VSIG10L: variants seen among roughly 807,000 people sequenced by gnomAD.
VSIG10L encodes the protein V-set and immunoglobulin domain containing 10 like.
Under a neutral mutation model 67.3 loss-of-function variants are expected in VSIG10L, and 63 were observed. The observed-to-expected ratio is 0.94, with a 90% CI of 0.76 to 1.15. The LOEUF (loss-of-function observed/expected upper bound fraction) is 1.15, where lower values mean the gene tolerates loss of function less well. Ranked by LOEUF, VSIG10L falls within the 50% of genes most tolerant of loss-of-function variation. The pLI is 0.00. For missense variants in VSIG10L, 1,050 were observed against 1,177.5 expected, an observed-to-expected ratio of 0.89 and a Z score of 1.58; for synonymous variants, 499 against 524.9, an observed-to-expected ratio of 0.95 and a Z score of 0.67.
Position 51,337,426 on chromosome 19 carries a change from G to A in VSIG10L, c.2117C>T (p.Pro706Leu), listed in dbSNP as rs780936232. ...AGTCCTGCCCAGAGCAGGCCCATCT[G>A]GCCATGCCTGGATCTCAAAACTGCT... ...LISSFEIQAW[P>L]DGPALGRTST... Residue 706 changes from proline (P) to leucine (L), a missense_variant, in exon 7 of 10, where the codon CCA becomes CTA. Coordinates refer to ENST00000335624, the MANE Select transcript of VSIG10L (RefSeq NM_001163922.3). 4.0e-5 allele frequency: 62 copies of A among 1,551,704 alleles called. No individual in the cohort carries two copies. The South Asian group carries it at 6.8e-4, about 17-fold the overall frequency.
At position 51,340,615 on chromosome 19, in the gene VSIG10L, CA is replaced by C; in HGVS notation, c.1006del (p.Trp336GlyfsTer89). 1.3e-6 allele frequency: 2 copies of C among 1,534,898 alleles called. No individual in the cohort carries two copies. The highest frequency in any genetic ancestry group is 2.4e-5 in the South Asian group (2 of 83,948). Reference sequence around the variant, plus strand: ...CTCCAGGGCGCGTCCGTCCCGGCTCCAGCTCAGCTCCCCGCGACCTGGCCCC... The same window carrying C: ...CTCCAGGGCGCGTCCGTCCCGGCTCCGCTCAGCTCCCCGCGACCTGGCCCC... ...GWGPGRGELSWSRDGRALEAA... is the reference protein window; with the variant it reads ...GWGPGRGELSXSRDGRALEAA... On this transcript the variant is annotated frameshift_variant, in exon 3 of 10. Coordinates refer to ENST00000335624, the MANE Select transcript of VSIG10L (RefSeq NM_001163922.3). LOFTEE classifies it high-confidence loss of function. The surrounding 1 kb of genome is among the most constrained non-coding windows in gnomAD (Gnocchi z 6.3).
In VSIG10L at chr19:51,333,799, C is replaced by A; in HGVS notation, c.2566G>T (p.Ala856Ser). 6.5e-7 allele frequency: 1 copy of A among 1,548,386 alleles called. No individual in the cohort carries two copies. The highest frequency in any genetic ancestry group is 8.7e-7 in the Non-Finnish European group (1 of 1,145,936). ...VPLEDHSSTRAYQAQTPVQLS... is the reference protein window; with the variant it reads ...VPLEDHSSTRSYQAQTPVQLS... The stretch of plus-strand genomic sequence containing the variant: ...AGGGCACCCACACTCACTTGGTAGG[C>A]CCTAGTTGAGCTGTGGTCCTCCAGA... Residue 856 changes from alanine to serine, a missense_variant, in exon 9 of 10, where the codon GCC (alanine) becomes TCC (serine). Physicochemically the swap from Ala to Ser is moderately conservative, Grantham distance 99. Coordinates refer to ENST00000335624, the MANE Select transcript of VSIG10L (RefSeq NM_001163922.3).
chr19:51,337,889 G>A, intron 6 of VSIG10L, 41 bp downstream of exon 6: 1 of 1,504,272 alleles, frequency 6.6e-7, no homozygotes, highest in Admixed American at 2.2e-5. Context: ...GGAGCGGCTG[G>A]GGACGTGGAC....
rs188080705 is a variant in VSIG10L, at chr19:51,338,282, C to G, written c.1730-74G>C. On this transcript the variant is annotated intron_variant, in intron 5 of 9. Coordinates refer to ENST00000335624, the MANE Select transcript of VSIG10L (RefSeq NM_001163922.3). ...TTCAAAGAACAGATCCTATGCCCTACTTTAAATCAGATGGTGGTAAGCCCC... is the reference window on the plus strand; with the variant it reads ...TTCAAAGAACAGATCCTATGCCCTAGTTTAAATCAGATGGTGGTAAGCCCC... 2.3e-4 allele frequency: 326 copies of G among 1,418,138 alleles called. 3 individuals are homozygous for G. The East Asian group carries it at 7.6e-3, about 33-fold the overall frequency. The allele number at this position is 1,418,138 out of a possible 1,614,324, so 87.8% of individuals were successfully genotyped here. A position where few individuals can be genotyped will look rare whatever the true frequency, so the allele number is the denominator to read the frequency against.
In VSIG10L at chr19:51,340,143, G is replaced by C; in HGVS notation, c.1346C>G (p.Ala449Gly). Reference sequence around the variant, plus strand: ...CAGGAGGCGCGACCCCGCGGGCACCGCGGCCTCGGCCGGGTCCGCCAGGCT... The same window carrying C: ...CAGGAGGCGCGACCCCGCGGGCACCCCGGCCTCGGCCGGGTCCGCCAGGCT... ...TWSLADPAEA[A>G]VPAGSRLLLP... is the part of the protein sequence containing the mutation. The change falls in exon 4 of 10, where the codon GCG (alanine) becomes GGG (glycine). Residue 449 changes from alanine to glycine, a missense_variant. Physicochemically the swap from Ala to Gly is moderately conservative, Grantham distance 60 (BLOSUM62 0). Around this residue, in one of 3 missense-constraint regions of VSIG10L, gnomAD observed 529 missense variants for 584.9 expected, o/e 0.90. Transcript: ENST00000335624. The surrounding 1 kb of genome is among the most constrained non-coding windows in gnomAD (Gnocchi z 6.3). The C allele has an allele frequency of 7.6e-7, 1 of 1,319,446 alleles. No individual in the cohort carries two copies. 81.7% of individuals were successfully genotyped at this position (1,319,446 alleles called of 1,614,324 possible). A position where few individuals can be genotyped will look rare whatever the true frequency, so the allele number is the denominator to read the frequency against.
At position 51,340,569 on chromosome 19, in the gene VSIG10L, G is replaced by C. The variant is rs1301727967; in HGVS notation, c.1053C>G (p.Ala351=). The change falls in exon 3 of 10, where the codon GCC becomes GCG. Residue 351 remains alanine, a synonymous_variant. Coordinates refer to ENST00000335624, the MANE Select transcript of VSIG10L (RefSeq NM_001163922.3). The surrounding 1 kb of genome is among the most constrained non-coding windows in gnomAD (Gnocchi z 6.3). ...RALEAAESEG[A]ETPRMRSEGD... is the part of the protein sequence containing the mutation. ...CCTCTGAGCGCATCCGGGGCGTCTC[G>C]GCTCCCTCCGATTCCGCCGCCTCCA... is the stretch of plus-strand genomic sequence containing the variant. The C allele has an allele frequency of 7.8e-6, 12 of 1,535,550 alleles. No individual in the cohort carries two copies. Among genetic ancestry groups the C allele is most frequent in the Non-Finnish European group, 7.9e-6 (9 of 1,146,184 alleles).
In VSIG10L at chr19:51,340,861, A is replaced by G. The variant is rs1985618993; in HGVS notation, c.896-135T>C. ...CCCATCCCTCTCCTCTCATAAACCTATGAGTTTGAGCCCCCAGACACCTCC... is the reference window on the plus strand; with the variant it reads ...CCCATCCCTCTCCTCTCATAAACCTGTGAGTTTGAGCCCCCAGACACCTCC... On this transcript the variant is annotated intron_variant, in intron 2 of 9. Transcript: ENST00000335624. The surrounding 1 kb of genome is among the most constrained non-coding windows in gnomAD (Gnocchi z 6.3). 4 of 1,185,020 alleles carry G rather than the reference A, an allele frequency of 3.4e-6. No homozygotes were observed. The highest frequency in any genetic ancestry group is 1.6e-5 in the African/African-American group (1 of 63,510). 73.4% of individuals were successfully genotyped at this position (1,185,020 alleles called of 1,614,324 possible). A position where few individuals can be genotyped will look rare whatever the true frequency, so the allele number is the denominator to read the frequency against.
At position 51,341,855 on chromosome 19, in the gene VSIG10L, G is replaced by C. The variant is rs1356884514; in HGVS notation, c.193C>G (p.Gln65Glu). Residue 65 changes from glutamine (Q) to glutamate (E), a missense_variant, in exon 2 of 10, where the codon CAG becomes GAG. Around this residue, in one of 3 missense-constraint regions of VSIG10L, gnomAD observed 511 missense variants for 557.9 expected, o/e 0.92. Transcript: ENST00000335624. The part of the protein sequence containing the change: ...IKPPSWKVPD[Q>E]FLDSKASAGI... The stretch of plus-strand genomic sequence containing the variant: ...GCAGAGGCTTTTGAATCCAGGAACT[G>C]ATCTGGAACTTTCCAGCTGGGAGGT... 5 of 1,551,530 alleles carry C rather than the reference G, an allele frequency of 3.2e-6. No individual in the cohort carries two copies. In the African/African-American group the frequency reaches 6.8e-5, roughly 21 times the overall value.
At chr19:51,337,816 G>A (rs1185618153) in intron 6 of VSIG10L, 114 bp downstream of exon 6, 1 of 1,335,378 alleles carries the variant, frequency 7.5e-7, no homozygotes, top group East Asian at 2.5e-5. Flanking sequence ...GAGAGGCTGG[G>A]GGCCTGGATC....
At position 51,338,120 on chromosome 19, in the gene VSIG10L, G is replaced by A. The variant is rs560220952; in HGVS notation, c.1818C>T (p.Pro606=). Residue 606 remains proline (P), a synonymous_variant, in exon 6 of 10, where the codon CCC becomes CCT. Transcript: ENST00000335624. ...AEVALEASGC[P]PPSRASWARE... ...GGGCCCAGGATGCCCGTGAGGGTGG[G>A]GGACAACCAGAGGCCTCCAGTGCCA... is the stretch of plus-strand genomic sequence containing the variant. The A allele has an allele frequency of 6.5e-7, 1 of 1,549,096 alleles. No homozygotes were observed. The highest frequency in any genetic ancestry group is 2.0e-5 in the Admixed American group (1 of 50,686).
In VSIG10L at chr19:51,341,819, C is replaced by CA; in HGVS notation, c.228dup (p.Asp77Ter). On this transcript the variant is annotated frameshift_variant, in exon 2 of 10. Coordinates refer to ENST00000335624, the MANE Select transcript of VSIG10L (RefSeq NM_001163922.3). LOFTEE classifies it high-confidence loss of function. ...AGGGCCTCAGGAAACCAGCTGGAAT[C>CA]AGAGATTCCAGCAGAGGCTTTTGAA... The CA allele has an allele frequency of 1.9e-6, 3 of 1,551,500 alleles. No homozygotes were observed. Among genetic ancestry groups the CA allele is most frequent in the Non-Finnish European group, 2.6e-6 (3 of 1,146,950 alleles).
intron 6 of VSIG10L, 103 bp downstream of exon 6, chr19:51,337,827 C>G (rs533563078): frequency 1.4e-6 from 2 of 1,393,644 alleles, no homozygotes; most frequent in Middle Eastern, 1.9e-4. Flanking sequence ...GGCCTGGATC[C>G]GAGGTCTGAG....
rs868739350 is a variant in VSIG10L, at chr19:51,331,768, C to G, written c.*843G>C. On this transcript the variant is annotated 3_prime_UTR_variant, in exon 10 of 10. Coordinates refer to ENST00000335624, the MANE Select transcript of VSIG10L (RefSeq NM_001163922.3). ...TTAAGTGCTGAGTTAATGATGTGGT[C>G]TCTGCTTTTGTAAAGCCCTTAGTTT... 6.6e-6 allele frequency: 1 copy of G among 152,178 alleles called. No individual in the cohort carries two copies. Among genetic ancestry groups the G allele is most frequent in the Non-Finnish European group, 1.5e-5 (1 of 68,048 alleles). 9.4% of individuals were successfully genotyped at this position (152,178 alleles called of 1,614,324 possible).
At chr19:51,333,765 G>C in intron 9 of VSIG10L, 26 bp downstream of exon 9, 1 of 1,511,986 alleles carries the variant, frequency 6.6e-7, no homozygotes, top group South Asian at 1.3e-5. Flanking sequence ...CCGATTCCAG[G>C]AGGAAATGAG....
chr19:51,335,037 G>A (rs1355916745), intron 7 of VSIG10L, among the ~76,000 whole-genome samples: 3 of 152,210 alleles, frequency 2.0e-5, no homozygotes, highest in Admixed American at 1.3e-4. Flanking sequence ...AGGAAGTAAC[G>A]TTTGAACAGA....
intron 2 of VSIG10L, 107 bp downstream of exon 2, chr19:51,341,046 A>G: frequency 7.2e-7 from 1 of 1,393,296 alleles, no homozygotes; most frequent in South Asian, 1.6e-5. Context: ...TCAACCCAGA[A>G]GTCCTCTTCT....
chr19:51,333,814 G>A lies in VSIG10L; in HGVS notation c.2551C>T (p.His851Tyr), dbSNP rs1985412993. The change falls in exon 9 of 10, where the codon CAC (histidine) becomes TAC (tyrosine). Residue 851 changes from histidine to tyrosine, a missense_variant. Transcript: ENST00000335624. ...ACTTGGTAGGCCCTAGTTGAGCTGT[G>A]GTCCTCCAGAGGGACTTTGAGGTCC... is the stretch of plus-strand genomic sequence containing the variant. ...PLDLKVPLED[H>Y]SSTRAYQAQT... 10 of 1,550,330 alleles carry A rather than the reference G, an allele frequency of 6.5e-6. No homozygotes were observed. Among genetic ancestry groups the A allele is most frequent in the Admixed American group, 2.0e-5 (1 of 50,606 alleles).
Position 51,340,030 on chromosome 19 carries a change from T to C in VSIG10L, c.1459A>G (p.Asn487Asp). 1 of 1,436,960 alleles carries C rather than the reference T, an allele frequency of 7.0e-7. No individual in the cohort carries two copies. Among genetic ancestry groups the C allele is most frequent in the Non-Finnish European group, 9.1e-7 (1 of 1,097,384 alleles). 89.0% of individuals were successfully genotyped at this position (1,436,960 alleles called of 1,614,324 possible). The change falls in exon 4 of 10, where the codon AAC becomes GAC. Residue 487 changes from asparagine to aspartate, a missense_variant. Around this residue, in one of 3 missense-constraint regions of VSIG10L, gnomAD observed 529 missense variants for 584.9 expected, o/e 0.90. Coordinates refer to ENST00000335624, the MANE Select transcript of VSIG10L (RefSeq NM_001163922.3). The surrounding 1 kb of genome is among the most constrained non-coding windows in gnomAD (Gnocchi z 6.3). The part of the protein sequence containing the change: ...RTGRRRRSLL[N>D]LTVADLPPGA... The stretch of plus-strand genomic sequence containing the variant: ...AGCCTCTCACCCGCCACTGTAAGGT[T>C]GAGCAGCGAGCGGCGGCGGCGGCCG...
intron 7 of VSIG10L, among the ~76,000 whole-genome samples, chr19:51,334,813 C>T (rs1236013500): frequency 1.4e-5 from 2 of 142,582 alleles, no homozygotes; most frequent in East Asian, 2.1e-4. Context: ...GCGGTGGCTG[C>T]GCCTGTAGCC....
Sources: gnomAD v4.1 joint callset for allele counts (sites outside exome capture counted in the v4.1 genomes callset) on GRCh38, gnomAD v4.1.1 for gene constraint, gnomAD v4.1.1 regional missense constraint, Gnocchi (gnomAD v3.1) non-coding constraint, MANE v1.5 for transcripts, NCBI Gene and HGNC (gene_info 2026-07-23, HGNC 2026-07-21) for gene names.